ABTB3: variants seen among roughly 807,000 people sequenced by gnomAD.
The protein encoded by ABTB3 is ankyrin repeat- and BTB/POZ domain-containing protein 3.
the ABTB3 span, chr12:107,319,669 C>A: frequency 6.5e-7 from 1 of 1,536,644 alleles, no homozygotes; most frequent in Non-Finnish European, 8.7e-7. Context: ...GCATGGAGAG[C>A]CTCTTCCGGG....
the ABTB3 span, among the ~76,000 whole-genome samples, chr12:107,578,628 G>A: frequency 6.6e-6 from 1 of 151,788 alleles, no homozygotes; most frequent in South Asian, 2.1e-4. Context: ...GAGCATTTGG[G>A]GCTGGTTTCC....
At chr12:107,450,331 G>A in the ABTB3 span, among the ~76,000 whole-genome samples, 1 of 152,066 alleles carries the variant, frequency 6.6e-6, no homozygotes, top group East Asian at 1.9e-4. Flanking sequence ...GCTCAAAAAG[G>A]CAAACTAAAT....
At chr12:107,467,421 A>G in the ABTB3 span, among the ~76,000 whole-genome samples, 1 of 152,152 alleles carries the variant, frequency 6.6e-6, no homozygotes, top group Non-Finnish European at 1.5e-5. Flanking sequence ...CTGGCGTGGT[A>G]TAGATAGCCT....
At chr12:107,637,519 A>G in the ABTB3 span, among the ~76,000 whole-genome samples, 3 of 152,270 alleles carry the variant, frequency 2.0e-5, no homozygotes, top group South Asian at 2.1e-4. Context: ...ATATAAAAGA[A>G]AAAGCATCAT....
chr12:107,625,413 T>C, the ABTB3 span, among the ~76,000 whole-genome samples: 1 of 152,176 alleles, frequency 6.6e-6, no homozygotes, highest in African/African-American at 2.4e-5. Context: ...AGGCTCTTGA[T>C]CTTATTTAGA....
the ABTB3 span, chr12:107,651,555 T>A: frequency 1.4e-5 from 8 of 571,000 alleles, no homozygotes; most frequent in Admixed American, 2.4e-5. Context: ...TCCCGTCCCC[T>A]ACCTGTGACA....
chr12:107,448,599 C>A, the ABTB3 span, among the ~76,000 whole-genome samples: 3 of 152,164 alleles, frequency 2.0e-5, no homozygotes, highest in African/African-American at 7.2e-5. Flanking sequence ...GGAAGAGCAT[C>A]TAAGCCAGGA....
the ABTB3 span, among the ~76,000 whole-genome samples, chr12:107,622,019 T>C: frequency 6.6e-6 from 1 of 152,082 alleles, no homozygotes; most frequent in African/African-American, 2.4e-5. Flanking sequence ...GGTGGGAGGA[T>C]TGCTTGAGCC....
the ABTB3 span, among the ~76,000 whole-genome samples, chr12:107,506,802 G>A: frequency 6.6e-6 from 1 of 152,050 alleles, no homozygotes; most frequent in Non-Finnish European, 1.5e-5. Context: ...CACATTGTTT[G>A]GACTTAATAA....
the ABTB3 span, among the ~76,000 whole-genome samples, chr12:107,583,226 C>T: frequency 6.6e-6 from 1 of 152,138 alleles, no homozygotes; most frequent in Non-Finnish European, 1.5e-5. Context: ...GAAATAAGTG[C>T]CTATAAAGCG....
the ABTB3 span, among the ~76,000 whole-genome samples, chr12:107,342,554 C>T: frequency 2.6e-5 from 4 of 152,128 alleles, no homozygotes; most frequent in Admixed American, 6.5e-5. Flanking sequence ...CCAAGTTCAT[C>T]CCTCCTGAAC....
chr12:107,602,835 C>T, the ABTB3 span, among the ~76,000 whole-genome samples: 1 of 152,218 alleles, frequency 6.6e-6, no homozygotes, highest in Non-Finnish European at 1.5e-5. Flanking sequence ...GCAACGCCAT[C>T]GCTTGCTGTC....
chr12:107,510,695 C>T, the ABTB3 span, among the ~76,000 whole-genome samples: 2 of 151,914 alleles, frequency 1.3e-5, no homozygotes, highest in African/African-American at 2.4e-5. Flanking sequence ...CCGATGAGGG[C>T]GGATCACTAG....
At chr12:107,420,387 A>G in the ABTB3 span, among the ~76,000 whole-genome samples, 1 of 152,350 alleles carries the variant, frequency 6.6e-6, no homozygotes, top group East Asian at 1.9e-4. Flanking sequence ...CCTCACAATC[A>G]TGGCGTAAGG....
chr12:107,323,687 G>A, the ABTB3 span, among the ~76,000 whole-genome samples: 1 of 152,142 alleles, frequency 6.6e-6, no homozygotes, highest in Non-Finnish European at 1.5e-5. Flanking sequence ...CTTTAGAGCT[G>A]GCCAGTTCCT....
the ABTB3 span, among the ~76,000 whole-genome samples, chr12:107,540,570 T>C: frequency 1.3e-5 from 2 of 152,218 alleles, no homozygotes; most frequent in South Asian, 4.1e-4. Flanking sequence ...CACAAGGCCC[T>C]GATCTGTTGG....
the ABTB3 span, among the ~76,000 whole-genome samples, chr12:107,370,308 C>T: frequency 1.8e-3 from 267 of 152,330 alleles, no homozygotes; most frequent in African/African-American, 6.1e-3. Context: ...GGAAGCTTCC[C>T]GTTGACCTTC....
the ABTB3 span, among the ~76,000 whole-genome samples, chr12:107,588,446 G>A: frequency 6.6e-6 from 1 of 152,176 alleles, no homozygotes; most frequent in Non-Finnish European, 1.5e-5. Context: ...GTGTAGCTAG[G>A]GACGGTTTAA....
the ABTB3 span, among the ~76,000 whole-genome samples, chr12:107,482,960 CTTT>C: frequency 9.1e-4 from 57 of 62,410 alleles, 1 homozygote; most frequent in African/African-American, 3.4e-3. Context: ...TTCTTTCTTT[CTTT>C]CTTTCTTTCT....
Sources: gnomAD v4.1 joint callset for allele counts (sites outside exome capture counted in the v4.1 genomes callset) on GRCh38, gnomAD v4.1.1 for gene constraint, MANE v1.5 for transcripts, NCBI Gene and HGNC (gene_info 2026-07-23, HGNC 2026-07-21) for gene names.